Variants in NMNAT3 observed in about 807,000 individuals in gnomAD.
NMNAT3 encodes nicotinamide nucleotide adenylyltransferase 3.
Under a neutral mutation model 24.8 loss-of-function variants are expected in NMNAT3, and 21 were observed. That is an observed-to-expected ratio of 0.85 (90% CI 0.60 to 1.22). The LOEUF (loss-of-function observed/expected upper bound fraction) is 1.22. Among genes scored for constraint, NMNAT3 ranks in the 50% most tolerant of loss-of-function variants. NMNAT3 has a pLI of 0.00. For synonymous variants in NMNAT3, 136 were observed against 155.2 expected, an observed-to-expected ratio of 0.88 and a Z score of 0.92; for missense variants, 387 against 436.6, an observed-to-expected ratio of 0.89 and a Z score of 1.01.
intron 4 of NMNAT3, among the ~76,000 whole-genome samples, chr3:139,580,372 C>G (rs773239192): frequency 1.2e-4 from 19 of 152,208 alleles, no homozygotes; most frequent in Non-Finnish European, 2.6e-4. Flanking sequence ...ATCCACCCAT[C>G]TCGGCCTCCC....
chr3:139,670,761 T>C (rs2108454838), intron 1 of NMNAT3, among the ~76,000 whole-genome samples: 1 of 152,198 alleles, frequency 6.6e-6, no homozygotes, highest in East Asian at 1.9e-4. Context: ...CTGTGTGTGT[T>C]GGGTTGTGGG....
At chr3:139,670,819 C>T (rs2057733686) in intron 1 of NMNAT3, among the ~76,000 whole-genome samples, 1 of 152,150 alleles carries the variant, frequency 6.6e-6, no homozygotes, top group South Asian at 2.1e-4. Context: ...GGCTGCAATT[C>T]CAAATTCCTC....
At chr3:139,658,913 C>T (rs1382020164) in intron 1 of NMNAT3, among the ~76,000 whole-genome samples, 1 of 152,146 alleles carries the variant, frequency 6.6e-6, no homozygotes, top group Non-Finnish European at 1.5e-5. Context: ...CCCCTTGTGT[C>T]CCTTCCCTCT....
chr3:139,660,318 A>G (rs1057205239), intron 1 of NMNAT3, among the ~76,000 whole-genome samples: 3 of 152,194 alleles, frequency 2.0e-5, no homozygotes, highest in African/African-American at 7.2e-5. Flanking sequence ...TATTTTCACT[A>G]TGATTTTTGA....
intron 6 of NMNAT3, chr3:139,568,176 T>C (rs1282584465): frequency 6.6e-6 from 1 of 152,218 alleles, no homozygotes; most frequent in Non-Finnish European, 1.5e-5. Context: ...TTCTGTGGGA[T>C]TGGTGGTGAT....
intron 3 of NMNAT3, among the ~76,000 whole-genome samples, chr3:139,612,424 A>G (rs1286407877): frequency 1.3e-5 from 2 of 152,188 alleles, no homozygotes; most frequent in African/African-American, 2.4e-5. Context: ...AAGGTGTCAC[A>G]AGATCACCTT....
chr3:139,581,770 G>T (rs1340284953), intron 4 of NMNAT3, among the ~76,000 whole-genome samples: 4 of 152,102 alleles, frequency 2.6e-5, no homozygotes, highest in African/African-American at 9.7e-5. Context: ...CTTTGGCAGG[G>T]GTTGGATATG....
At chr3:139,596,958 A>G (rs866441112) in intron 3 of NMNAT3, among the ~76,000 whole-genome samples, 2 of 86,344 alleles carry the variant, frequency 2.3e-5, no homozygotes, top group East Asian at 6.4e-4. Context: ...ATATATATAT[A>G]TATATATTTT....
intron 3 of NMNAT3, among the ~76,000 whole-genome samples, chr3:139,607,327 T>C (rs1413372260): frequency 2.0e-5 from 3 of 152,198 alleles, no homozygotes; most frequent in Non-Finnish European, 4.4e-5. Flanking sequence ...CCTTTATTCA[T>C]AATTCCTTTC....
intron 5 of NMNAT3, 62 bp from the exon 6 acceptor site, chr3:139,573,742 G>T: frequency 2.2e-6 from 2 of 889,754 alleles, no homozygotes; most frequent in Non-Finnish European, 3.4e-6. Context: ...GCCACCCAGG[G>T]ATTTTCAGAT....
In NMNAT3 at chr3:139,583,149, T is replaced by A; in HGVS notation, c.169A>T (p.Ile57Leu). The A allele has an allele frequency of 7.2e-7, 1 of 1,381,538 alleles. No individual in the cohort carries two copies. 85.6% of individuals were successfully genotyped at this position (1,381,538 alleles called of 1,614,324 possible). A position where few individuals can be genotyped will look rare whatever the true frequency, so the allele number is the denominator to read the frequency against. Residue 57 changes from isoleucine (I) to leucine (L), a missense_variant, in exon 4 of 7, where the codon ATA (isoleucine) becomes TTA (leucine). Coordinates refer to ENST00000643695, the MANE Select transcript of NMNAT3 (RefSeq NM_001320510.2). ...TGCAGATGAAAAGAAATATCTTTTATTGAGATAGACTGAGGTCCAGGAAAA... is the reference window on the plus strand; with the variant it reads ...TGCAGATGAAAAGAAATATCTTTTAATGAGATAGACTGAGGTCCAGGAAAA...
At chr3:139,563,991 G>A (rs142617403) in intron 6 of NMNAT3, among the ~76,000 whole-genome samples, 1 of 152,292 alleles carries the variant, frequency 6.6e-6, no homozygotes, top group Non-Finnish European at 1.5e-5. Flanking sequence ...GACTGTGAGG[G>A]AAGTGCCACT....
intron 1 of NMNAT3, among the ~76,000 whole-genome samples, chr3:139,665,116 C>A (rs1348128768): frequency 1.3e-5 from 2 of 152,150 alleles, no homozygotes; most frequent in African/African-American, 2.4e-5. Flanking sequence ...GGGAGTAGTT[C>A]TGGGCTGACC....
chr3:139,607,207 C>A (rs1381547660), intron 3 of NMNAT3, among the ~76,000 whole-genome samples: 2 of 151,888 alleles, frequency 1.3e-5, no homozygotes, highest in Non-Finnish European at 2.9e-5. Context: ...TGTACACACA[C>A]CACTCTGTAC....
intron 3 of NMNAT3, among the ~76,000 whole-genome samples, chr3:139,604,451 G>A (rs2108229809): frequency 6.6e-6 from 1 of 152,262 alleles, no homozygotes; most frequent in African/African-American, 2.4e-5. Context: ...GCATATATGA[G>A]TCTCAGGAAT....
intron 3 of NMNAT3, among the ~76,000 whole-genome samples, chr3:139,605,439 T>C (rs565919841): frequency 1.3e-5 from 2 of 152,308 alleles, no homozygotes; most frequent in Admixed American, 6.5e-5. Context: ...AAAACCGCTT[T>C]TGAGGTGATC....
rs898699599 is a variant in NMNAT3, at chr3:139,560,906, A to G, written c.*104T>C. On this transcript the variant is annotated 3_prime_UTR_variant, in exon 7 of 7. Coordinates refer to ENST00000643695, the MANE Select transcript of NMNAT3 (RefSeq NM_001320510.2). Reference sequence around the variant, plus strand: ...GTAGAATCACTGTAGAAATAAAGCAAATGAAAAATGGAGAAGCAAAAACCA... The same window carrying G: ...GTAGAATCACTGTAGAAATAAAGCAGATGAAAAATGGAGAAGCAAAAACCA... The G allele has an allele frequency of 2.5e-5, 29 of 1,163,206 alleles. No individual in the cohort carries two copies. The African/African-American group carries it at 4.0e-4, about 16-fold the overall frequency. 72.1% of individuals were successfully genotyped at this position (1,163,206 alleles called of 1,614,324 possible). A position where few individuals can be genotyped will look rare whatever the true frequency, so the allele number is the denominator to read the frequency against.
intron 1 of NMNAT3, among the ~76,000 whole-genome samples, chr3:139,659,026 T>A (rs781766959): frequency 6.6e-6 from 1 of 152,198 alleles, no homozygotes; most frequent in Admixed American, 6.5e-5. Context: ...AGAATCACAC[T>A]GTCTGGTCTT....
rs532070812 is a variant in NMNAT3 at position 139,560,497 on chromosome 3, T to C, written c.*513A>G. ...CAGTGTAAATCAGCAATGTGCTGTT[T>C]CCAACTGTTTGACTCCTCAGTTCAT... On this transcript the variant is annotated 3_prime_UTR_variant, in exon 7 of 7. Transcript: ENST00000643695. 1 of 153,778 alleles carries C rather than the reference T, an allele frequency of 6.5e-6. No individual in the cohort carries two copies. Among genetic ancestry groups the C allele is most frequent in the East Asian group, 1.9e-4 (1 of 5,206 alleles). 9.5% of individuals were successfully genotyped at this position (153,778 alleles called of 1,614,324 possible).
Sources: gnomAD v4.1 joint callset for allele counts (sites outside exome capture counted in the v4.1 genomes callset) on GRCh38, gnomAD v4.1.1 for gene constraint, MANE v1.5 for transcripts, NCBI Gene and HGNC (gene_info 2026-07-23, HGNC 2026-07-21) for gene names.